SRSF7: variants seen among roughly 807,000 people sequenced by gnomAD.
SRSF7 encodes the protein serine/arginine-rich splicing factor 7.
SRSF7 carries 15 observed loss-of-function variants against 42.2 expected under a neutral mutation model. The ratio of observed to expected loss-of-function variants is 0.36; its 90% CI spans 0.24 to 0.55. The LOEUF (loss-of-function observed/expected upper bound fraction) is 0.55. Among genes scored for constraint, SRSF7 ranks in the 20% least tolerant of loss-of-function variants. The pLI is 0.88. For missense variants in SRSF7, 181 were observed against 305.9 expected (o/e 0.59, Z 3.04); for synonymous variants, 138 against 107.9 (o/e 1.28, Z -1.73).
At position 38,748,467 on chromosome 2, in the gene SRSF7, C is replaced by T. The variant is rs1384981588; in HGVS notation, c.461+112G>A. The T allele has an allele frequency of 8.3e-6, 9 of 1,083,838 alleles. No homozygotes were observed. In the East Asian group the frequency reaches 9.6e-5, roughly 12 times the overall value. The allele number at this position is 1,083,838 out of a possible 1,614,324, so 67.1% of individuals were successfully genotyped here. A position where few individuals can be genotyped will look rare whatever the true frequency, so the allele number is the denominator to read the frequency against. Reference sequence around the variant, plus strand: ...GTGGTTATGCCCCTGTACTCCAGCCCGGGTGACAGAGCAAGACCCTGTCTC... The same window carrying T: ...GTGGTTATGCCCCTGTACTCCAGCCTGGGTGACAGAGCAAGACCCTGTCTC... On this transcript the variant is annotated intron_variant, in intron 4 of 7. Transcript: ENST00000313117.
intron 5 of SRSF7, among the ~76,000 whole-genome samples, chr2:38,747,450 ATTG>A (rs1175618670): frequency 6.6e-6 from 1 of 152,162 alleles, no homozygotes; most frequent in Non-Finnish European, 1.5e-5. Context: ...AGATAACAAT[ATTG>A]TTAATTACAT....
chr2:38,751,280 T>C lies in SRSF7; in HGVS notation c.-24A>G. ...ATGATGACAGACCCGCGTGCTCGGC[T>C]CTTTAGCAAGCAGCGCCCAGGGCTC... On this transcript the variant is annotated 5_prime_UTR_variant, in exon 1 of 8. Transcript: ENST00000313117. The C allele has an allele frequency of 2.5e-6, 4 of 1,613,824 alleles. No individual in the cohort carries two copies. The Admixed American group carries it at 6.7e-5, about 27-fold the overall frequency.
intron 7 of SRSF7, 86 bp downstream of exon 7, chr2:38,746,058 C>G: frequency 7.2e-7 from 1 of 1,389,808 alleles, no homozygotes; most frequent in South Asian, 1.2e-5. Context: ...CTCCAAAGAG[C>G]TCAAAGACTG....
At chr2:38,749,227 T>A in intron 3 of SRSF7, 1 of 1,364,690 alleles carries the variant, frequency 7.3e-7, no homozygotes. Flanking sequence ...ATCTGGCCTC[T>A]TATGCTGATC....
chr2:38,751,245 G>A lies in SRSF7; in HGVS notation c.12C>T (p.Tyr4=). The A allele has an allele frequency of 3.7e-6, 6 of 1,614,004 alleles. No homozygotes were observed. The highest frequency in any genetic ancestry group is 5.1e-6 in the Non-Finnish European group (6 of 1,180,014). MSR[Y]GRYGGETKVY... ...GCTTCTTACCTCCTCCGTACCGCCC[G>A]TAACGCGACATGATGACAGACCCGC... The change falls in exon 1 of 8, where the codon TAC becomes TAT. Residue 4 remains tyrosine, a synonymous_variant. Coordinates refer to ENST00000313117, the MANE Select transcript of SRSF7 (RefSeq NM_001031684.3).
chr2:38,748,875 T>C, intron 3 of SRSF7: 2 of 1,383,556 alleles, frequency 1.4e-6, no homozygotes, highest in Non-Finnish European at 1.9e-6. Context: ...TATAAAACAC[T>C]GTAATGTGTA....
At chr2:38,745,279 T>A in intron 7 of SRSF7, 92 bp from the exon 8 acceptor site, 1 of 1,317,754 alleles carries the variant, frequency 7.6e-7, no homozygotes, top group East Asian at 2.3e-5. Flanking sequence ...AAAGGTGGCC[T>A]AAGGTACTAA....
At chr2:38,751,204 C>T (rs763969506) in intron 1 of SRSF7, 25 bp downstream of exon 1, 1 of 1,614,028 alleles carries the variant, frequency 6.2e-7, no homozygotes, top group Non-Finnish European at 8.5e-7. Context: ...ACACCAACGT[C>T]CCTCACCGGA....
At chr2:38,746,856 C>G in intron 5 of SRSF7, 109 bp from the exon 6 acceptor site, 1 of 1,526,378 alleles carries the variant, frequency 6.6e-7, no homozygotes, top group Non-Finnish European at 8.8e-7. Context: ...TAAAACTAAA[C>G]AAGATGCAAC....
Position 38,744,776 on chromosome 2 carries a change from T to G in SRSF7, c.*357A>C. Reference sequence around the variant, plus strand: ...TGCATAGAATAGTGATGTTCAAGACTTAACCAACACCTTTCAATTCTGAAT... The same window carrying G: ...TGCATAGAATAGTGATGTTCAAGACGTAACCAACACCTTTCAATTCTGAAT... On this transcript the variant is annotated 3_prime_UTR_variant, in exon 8 of 8. Coordinates refer to ENST00000313117, the MANE Select transcript of SRSF7 (RefSeq NM_001031684.3). 4.8e-6 allele frequency: 1 copy of G among 207,720 alleles called. No individual in the cohort carries two copies. The highest frequency in any genetic ancestry group is 9.7e-6 in the Non-Finnish European group (1 of 102,798). 12.9% of individuals were successfully genotyped at this position (207,720 alleles called of 1,614,324 possible). A position where few individuals can be genotyped will look rare whatever the true frequency, so the allele number is the denominator to read the frequency against.
Position 38,745,171 on chromosome 2 carries a change from T to A in SRSF7, c.679A>T (p.Ser227Cys). The change falls in exon 8 of 8, where the codon AGT becomes TGT. Residue 227 changes from serine (S) to cysteine (C), a missense_variant. Physicochemically the swap from Ser to Cys is moderately radical, Grantham distance 112. This residue lies in a region of SRSF7 where 136 missense variants were observed against 147.8 expected (regional missense o/e 0.92). Transcript: ENST00000313117. ...TCAGGACTTGCACTTCTGCGAGGAC[T>A]TCCTGATGGGGAACGACTAAAAAGA... Reference protein sequence around the residue: ...SPKRSRSPSGSPRRSASPERM... With the variant: ...SPKRSRSPSGCPRRSASPERM... 3 of 1,614,196 alleles carry A rather than the reference T, an allele frequency of 1.9e-6. No individual in the cohort carries two copies. Among genetic ancestry groups the A allele is most frequent in the Non-Finnish European group, 2.5e-6 (3 of 1,180,024 alleles).
intron 1 of SRSF7, 94 bp from the exon 2 acceptor site, chr2:38,750,288 T>A: frequency 8.3e-7 from 1 of 1,201,962 alleles, no homozygotes; most frequent in Non-Finnish European, 1.2e-6. Context: ...ATCCTCAAGA[T>A]TGGGTAAAGC....
At chr2:38,748,713 G>A in intron 3 of SRSF7, 60 bp from the exon 4 acceptor site, 2 of 1,506,316 alleles carry the variant, frequency 1.3e-6, no homozygotes, top group Non-Finnish European at 1.8e-6. Context: ...TTAAGAGTTT[G>A]TGTGCCTCTG....
At position 38,746,593 on chromosome 2, in the gene SRSF7, T is replaced by C. The variant is rs921595525; in HGVS notation, c.626+101A>G. ...TACTGTGTTCCCACTAAAACCTAAG[T>C]TTAGAGTTAACACTTAAAATTTCAA... On this transcript the variant is annotated intron_variant, in intron 6 of 7. Transcript: ENST00000313117. 14 of 1,551,492 alleles carry C rather than the reference T, an allele frequency of 9.0e-6. No homozygotes were observed. The African/African-American group carries it at 9.6e-5, about 11-fold the overall frequency.
chr2:38,748,022 A>C (rs1490395886), intron 5 of SRSF7, 25 bp downstream of exon 5: 1 of 1,549,338 alleles, frequency 6.5e-7, no homozygotes, highest in Non-Finnish European at 8.9e-7. Context: ...TCCAAACACA[A>C]GTAAGGAAAA....
chr2:38,746,976 T>C (rs974545715), intron 5 of SRSF7: 2 of 707,792 alleles, frequency 2.8e-6, no homozygotes, highest in Non-Finnish European at 5.0e-6. Flanking sequence ...TCTGTACAGG[T>C]ATAACATTCT....
At position 38,744,449 on chromosome 2, in the gene SRSF7, T is replaced by G; in HGVS notation, c.*684A>C. The G allele has an allele frequency of 2.6e-5, 4 of 152,466 alleles. No individual in the cohort carries two copies. The highest frequency in any genetic ancestry group is 4.4e-5 in the Non-Finnish European group (3 of 68,022). The allele number at this position is 152,466 out of a possible 1,614,324, so 9.4% of individuals were successfully genotyped here. A position where few individuals can be genotyped will look rare whatever the true frequency, so the allele number is the denominator to read the frequency against. On this transcript the variant is annotated 3_prime_UTR_variant, in exon 8 of 8. Transcript: ENST00000313117. ...TCTTGGGGAGTCCTAATTAACACTA[T>G]GCCACCTAGTAGCCTGAAAGCTGCA...
chr2:38,751,315 A>C lies in SRSF7; in HGVS notation c.-59T>G. On this transcript the variant is annotated 5_prime_UTR_variant, in exon 1 of 8. Coordinates refer to ENST00000313117, the MANE Select transcript of SRSF7 (RefSeq NM_001031684.3). ...GCAGCGCCCAGGGCTCGAGTGACGC[A>C]AAAGCTGACACACACCTTCACCCGC... The C allele has an allele frequency of 1.9e-6, 3 of 1,611,896 alleles. No homozygotes were observed. Among genetic ancestry groups the C allele is most frequent in the South Asian group, 2.2e-5 (2 of 91,028 alleles).
chr2:38,747,423 G>T (rs141777675), intron 5 of SRSF7, among the ~76,000 whole-genome samples: 2 of 152,228 alleles, frequency 1.3e-5, no homozygotes, highest in East Asian at 3.9e-4. Flanking sequence ...TCCGTACCAC[G>T]GTTTTATCGT....
Sources: gnomAD v4.1 joint callset for allele counts (sites outside exome capture counted in the v4.1 genomes callset) on GRCh38, gnomAD v4.1.1 for gene constraint, gnomAD v4.1.1 regional missense constraint, MANE v1.5 for transcripts, NCBI Gene and HGNC (gene_info 2026-07-23, HGNC 2026-07-21) for gene names.